Variants in HS6ST3 observed in about 807,000 individuals in gnomAD.
HS6ST3 encodes the protein heparan-sulfate 6-O-sulfotransferase 3.
Under a neutral mutation model 36.7 loss-of-function variants are expected in HS6ST3, and 12 were observed. The ratio of observed to expected loss-of-function variants is 0.33; its 90% CI spans 0.21 to 0.53. The LOEUF is 0.53. Among genes scored for constraint, HS6ST3 ranks in the 20% least tolerant of loss-of-function variants. HS6ST3 has a pLI of 0.95. For synonymous variants in HS6ST3, 240 were observed against 257.5 expected, an observed-to-expected ratio of 0.93 and a Z score of 0.65; for missense variants, 584 against 640.9, an observed-to-expected ratio of 0.91 and a Z score of 0.96.
chr13:96,566,230 T>G (rs1331967686), intron 1 of HS6ST3, among the ~76,000 whole-genome samples: 3 of 151,934 alleles, frequency 2.0e-5, no homozygotes, highest in Non-Finnish European at 4.4e-5. Context: ...AAAGCTAACA[T>G]TCGGTTGATA....
At chr13:96,660,837 G>T (rs959946817) in intron 1 of HS6ST3, among the ~76,000 whole-genome samples, 5 of 152,112 alleles carry the variant, frequency 3.3e-5, no homozygotes, top group Non-Finnish European at 5.9e-5. Context: ...TGAGTCAGTG[G>T]ACTGGGAGAG....
chr13:96,110,190 A>G (rs1184788436), intron 1 of HS6ST3, among the ~76,000 whole-genome samples: 2 of 152,076 alleles, frequency 1.3e-5, no homozygotes, highest in African/African-American at 4.8e-5. Context: ...GCTTACAATT[A>G]TGGAAGAAGG....
chr13:96,654,955 T>G (rs1292840255), intron 1 of HS6ST3, among the ~76,000 whole-genome samples: 2 of 152,110 alleles, frequency 1.3e-5, no homozygotes, highest in East Asian at 3.9e-4. Flanking sequence ...ATATTTATCC[T>G]GACAAGGGCA....
At chr13:96,666,946 T>G (rs2056666011) in intron 1 of HS6ST3, among the ~76,000 whole-genome samples, 1 of 152,180 alleles carries the variant, frequency 6.6e-6, no homozygotes, top group African/African-American at 2.4e-5. Flanking sequence ...ACTATGCCAG[T>G]AAATTTGCCC....
intron 1 of HS6ST3, among the ~76,000 whole-genome samples, chr13:96,821,591 A>G (rs1191611104): frequency 1.3e-5 from 2 of 152,206 alleles, no homozygotes; most frequent in African/African-American, 2.4e-5. Context: ...GTTGGCCACT[A>G]TTATTGTTAT....
intron 1 of HS6ST3, among the ~76,000 whole-genome samples, chr13:96,562,497 T>C (rs1388990440): frequency 6.6e-6 from 1 of 152,022 alleles, no homozygotes; most frequent in African/African-American, 2.4e-5. Context: ...CCTGCACATA[T>C]AACCCCTGAA....
At chr13:96,136,447 A>G (rs2054002085) in intron 1 of HS6ST3, among the ~76,000 whole-genome samples, 1 of 152,034 alleles carries the variant, frequency 6.6e-6, no homozygotes, top group South Asian at 2.1e-4. Flanking sequence ...AAGAGAGAGA[A>G]GGGGGAGGTG....
At chr13:96,317,112 C>T (rs1017315000) in intron 1 of HS6ST3, among the ~76,000 whole-genome samples, 12 of 151,796 alleles carry the variant, frequency 7.9e-5, no homozygotes, top group African/African-American at 2.9e-4. Flanking sequence ...CCCATGCCTT[C>T]TTTCTTCCTC....
At chr13:96,186,019 A>ATGTG (rs2054263384) in intron 1 of HS6ST3, among the ~76,000 whole-genome samples, 1 of 152,196 alleles carries the variant, frequency 6.6e-6, no homozygotes, top group Non-Finnish European at 1.5e-5. Flanking sequence ...GTATGTATGT[A>ATGTG]TGTGTGGATA....
intron 1 of HS6ST3, among the ~76,000 whole-genome samples, chr13:96,508,862 A>G (rs139959042): frequency 6.6e-6 from 1 of 152,180 alleles, no homozygotes; most frequent in Non-Finnish European, 1.5e-5. Flanking sequence ...TTTTTCATAT[A>G]ATGACTTCTT....
At chr13:96,726,700 A>C (rs1876014350) in intron 1 of HS6ST3, among the ~76,000 whole-genome samples, 1 of 152,102 alleles carries the variant, frequency 6.6e-6, no homozygotes, top group South Asian at 2.1e-4. Context: ...ATTGCCCTCT[A>C]CTATAATTTT....
chr13:96,436,181 G>A (rs895212141), intron 1 of HS6ST3, among the ~76,000 whole-genome samples: 1 of 152,138 alleles, frequency 6.6e-6, no homozygotes, highest in Admixed American at 6.5e-5. Flanking sequence ...TTAAGAAAAA[G>A]TCTTTTCACC....
chr13:96,743,323 T>C (rs1469135037), intron 1 of HS6ST3, among the ~76,000 whole-genome samples: 1 of 152,052 alleles, frequency 6.6e-6, no homozygotes, highest in Non-Finnish European at 1.5e-5. Flanking sequence ...GGGTCCAAAT[T>C]TGTGCTAAAA....
intron 1 of HS6ST3, among the ~76,000 whole-genome samples, chr13:96,553,987 TGCGTGCATGTGTGTGC>T (rs774101848): frequency 2.0e-5 from 3 of 152,172 alleles, no homozygotes; most frequent in Non-Finnish European, 4.4e-5. Flanking sequence ...TGTGCGTGCG[TGCGTGCATGTGTGTGC>T]GCGTGCATGT....
Position 96,275,099 on chromosome 13 carries a change from C to T in HS6ST3, c.707+183530C>T, listed in dbSNP as rs1306389854. On this transcript the variant is annotated intron_variant, in intron 1 of 1. Coordinates refer to ENST00000376705, the MANE Select transcript of HS6ST3 (RefSeq NM_153456.4). Reference sequence around the variant, plus strand: ...CAAGGTTACCAGCCAAAGTCTCCTACAGCTCTGAAGATACCTATGATGAAG... The same window carrying T: ...CAAGGTTACCAGCCAAAGTCTCCTATAGCTCTGAAGATACCTATGATGAAG... Among the ~76,000 whole-genome samples the T allele has an allele frequency of 2.0e-5, 3 of 152,132 alleles. No individual in the cohort carries two copies. The East Asian group carries it at 5.8e-4, about 29-fold the overall frequency.
At chr13:96,464,617 A>G (rs1377153441) in intron 1 of HS6ST3, among the ~76,000 whole-genome samples, 1 of 152,224 alleles carries the variant, frequency 6.6e-6, no homozygotes, top group East Asian at 1.9e-4. Context: ...ACGTAGTTAC[A>G]TATATAATGG....
chr13:96,421,387 C>T (rs894304612), intron 1 of HS6ST3, among the ~76,000 whole-genome samples: 4 of 152,300 alleles, frequency 2.6e-5, no homozygotes, highest in African/African-American at 9.6e-5. Context: ...AAAAGATCTG[C>T]AGTGCTTTAC....
chr13:96,429,557 C>G (rs1313677982), intron 1 of HS6ST3, among the ~76,000 whole-genome samples: 1 of 152,108 alleles, frequency 6.6e-6, no homozygotes, highest in East Asian at 1.9e-4. Flanking sequence ...TACTTTCTTC[C>G]CTGTATAAGT....
intron 1 of HS6ST3, among the ~76,000 whole-genome samples, chr13:96,394,031 G>T (rs767736181): frequency 6.6e-6 from 1 of 152,080 alleles, no homozygotes; most frequent in Admixed American, 6.6e-5. Context: ...TTTTTGATAG[G>T]GTACAATTTT....
Sources: allele counts gnomAD v4.1 joint callset (sites outside exome capture counted in the v4.1 genomes callset), GRCh38; gene constraint gnomAD v4.1.1; transcripts MANE v1.5; gene names NCBI Gene and HGNC (gene_info 2026-07-23, HGNC 2026-07-21).